TIAM1: variants seen among roughly 807,000 people sequenced by gnomAD.
The protein encoded by TIAM1 is TIAM Rac1 associated GEF 1.
Under a neutral mutation model 163.5 loss-of-function variants are expected in TIAM1, and 65 were observed. The ratio of observed to expected loss-of-function variants is 0.40; its 90% CI spans 0.33 to 0.49. The LOEUF (loss-of-function observed/expected upper bound fraction) is 0.49. Ranked by LOEUF, TIAM1 falls within the 20% of genes least tolerant of loss-of-function variation. The pLI, the probability that TIAM1 is intolerant of heterozygous loss-of-function variation, is 0.77. For missense variants in TIAM1, 1,789 were observed against 2,044.7 expected, an observed-to-expected ratio of 0.87 and a Z score of 2.41; for synonymous variants, 833 against 810.1, an observed-to-expected ratio of 1.03 and a Z score of -0.48.
intron 1 of TIAM1, among the ~76,000 whole-genome samples, chr21:31,523,962 C>G (rs1602487171): frequency 1.4e-5 from 2 of 147,778 alleles, no homozygotes; most frequent in South Asian, 2.2e-4. Context: ...GCTCTGCAGG[C>G]ATGATAATTC....
chr21:31,335,989 T>C (rs2075826384), intron 2 of TIAM1, among the ~76,000 whole-genome samples: 1 of 152,084 alleles, frequency 6.6e-6, no homozygotes, highest in Non-Finnish European at 1.5e-5. Flanking sequence ...TGTATTCTGT[T>C]AGAGATCACA....
At chr21:31,248,057 T>C (rs1307049516) in intron 5 of TIAM1, among the ~76,000 whole-genome samples, 1 of 152,136 alleles carries the variant, frequency 6.6e-6, no homozygotes. Flanking sequence ...CTGTTAAGCA[T>C]CCACAATGCC....
chr21:31,263,116 G>A (rs1199746466), intron 4 of TIAM1, among the ~76,000 whole-genome samples: 1 of 152,008 alleles, frequency 6.6e-6, no homozygotes, highest in Non-Finnish European at 1.5e-5. Context: ...ATAATTCCGG[G>A]GTTTGTTTCA....
intron 1 of TIAM1, among the ~76,000 whole-genome samples, chr21:31,556,980 C>T (rs1189198446): frequency 1.3e-5 from 2 of 152,194 alleles, no homozygotes; most frequent in African/African-American, 4.8e-5. Context: ...TCCTAACCTC[C>T]AGACATCTCT....
chr21:31,205,851 T>C (rs370418631), intron 11 of TIAM1, among the ~76,000 whole-genome samples: 109 of 152,084 alleles, frequency 7.2e-4, no homozygotes, highest in African/African-American at 2.4e-3. Flanking sequence ...GTAGTCCCTG[T>C]AGGCTACTCA....
intron 2 of TIAM1, among the ~76,000 whole-genome samples, chr21:31,419,281 G>A (rs991289389): frequency 6.6e-6 from 1 of 152,178 alleles, no homozygotes; most frequent in African/African-American, 2.4e-5. Flanking sequence ...GTTAAGTAAA[G>A]TAAAATAATG....
chr21:31,258,254 T>G (rs2072238342), intron 4 of TIAM1, among the ~76,000 whole-genome samples: 1 of 152,188 alleles, frequency 6.6e-6, no homozygotes. Flanking sequence ...GGAAGGCACT[T>G]CAAAAATAAT....
intron 6 of TIAM1, among the ~76,000 whole-genome samples, chr21:31,230,874 G>A (rs2088378083): frequency 1.3e-5 from 2 of 152,112 alleles, no homozygotes; most frequent in African/African-American, 4.8e-5. Flanking sequence ...CACCGTGTTG[G>A]CCAGGGTGGT....
At chr21:31,263,161 A>G (rs1323168179) in intron 4 of TIAM1, among the ~76,000 whole-genome samples, 2 of 151,994 alleles carry the variant, frequency 1.3e-5, no homozygotes, top group Non-Finnish European at 2.9e-5. Context: ...ATATAAAGTC[A>G]ATACAAAAAT....
At chr21:31,239,717 A>G (rs2071068607) in intron 6 of TIAM1, among the ~76,000 whole-genome samples, 1 of 152,198 alleles carries the variant, frequency 6.6e-6, no homozygotes, top group Non-Finnish European at 1.5e-5. Context: ...AAAAAAATGG[A>G]CAAGAGAGTA....
At chr21:31,179,009 C>A (rs2084893366) in intron 15 of TIAM1, among the ~76,000 whole-genome samples, 1 of 151,776 alleles carries the variant, frequency 6.6e-6, no homozygotes, top group African/African-American at 2.4e-5. Flanking sequence ...CCCTGGCCTC[C>A]CAAAGTGCTG....
intron 15 of TIAM1, 93 bp downstream of exon 15, chr21:31,182,328 G>T (rs2085069542): frequency 9.6e-7 from 1 of 1,045,726 alleles, no homozygotes; most frequent in East Asian, 2.8e-5. Flanking sequence ...CCAGACAGAG[G>T]CACTCACTGA....
In TIAM1 at chr21:31,217,638, G is replaced by A. The variant is rs539113277; in HGVS notation, c.2057C>T (p.Ala686Val). Reference sequence around the variant, plus strand: ...AGAAAACCTGCTCCTTCGCTTGCTCGCGGATCTGGACATGGCCTGAGTACG... The same window carrying A: ...AGAAAACCTGCTCCTTCGCTTGCTCACGGATCTGGACATGGCCTGAGTACG... ...RRRTQAMSRS[A>V]SKRRSRFSSL... The change falls in exon 9 of 28, where the codon GCG becomes GTG. Residue 686 changes from alanine to valine, a missense_variant. By Grantham distance (64) the Ala-to-Val change is moderately conservative (BLOSUM62 0). Around this residue, in one of 5 missense-constraint regions of TIAM1, gnomAD observed 456 missense variants for 586.6 expected, o/e 0.78. Coordinates refer to ENST00000541036, the MANE Select transcript of TIAM1 (RefSeq NM_001353694.2). The A allele has an allele frequency of 7.4e-6, 12 of 1,614,000 alleles. No individual in the cohort carries two copies. The highest frequency in any genetic ancestry group is 1.6e-4 in the Middle Eastern group (1 of 6,062).
chr21:31,329,260 C>G (rs2075597466), intron 2 of TIAM1, among the ~76,000 whole-genome samples: 1 of 152,202 alleles, frequency 6.6e-6, no homozygotes, highest in African/African-American at 2.4e-5. Flanking sequence ...CTATTGTCTC[C>G]TTACTACCTG....
intron 12 of TIAM1, among the ~76,000 whole-genome samples, chr21:31,199,486 T>TC (rs2086076000): frequency 6.9e-6 from 1 of 145,710 alleles, no homozygotes; most frequent in African/African-American, 2.6e-5. Flanking sequence ...ATGGCCACCC[T>TC]CCCCCTGCCC....
chr21:31,421,960 A>C (rs957544922), intron 2 of TIAM1, among the ~76,000 whole-genome samples: 15 of 152,138 alleles, frequency 9.9e-5, no homozygotes, highest in Admixed American at 9.8e-4. Context: ...ACTGCACTCC[A>C]GTCGAGTTGC....
At chr21:31,360,320 G>T (rs1414678356) in intron 2 of TIAM1, among the ~76,000 whole-genome samples, 2 of 151,524 alleles carry the variant, frequency 1.3e-5, no homozygotes, top group Non-Finnish European at 2.9e-5. Flanking sequence ...GTTTAGAATA[G>T]TATGAAAGAA....
rs903291138 is a variant in TIAM1, at chr21:31,460,937, C to T, written c.-369+3046G>A. The stretch of plus-strand genomic sequence containing the variant: ...TTTTTTTACATAAAGAATTCAATAG[C>T]CATCCATTATAATGTAGCACACAAT... On this transcript the variant is annotated intron_variant, in intron 2 of 28. Transcript: ENST00000286827. Among the ~76,000 whole-genome samples, 6 of 152,136 alleles carry T rather than the reference C, an allele frequency of 3.9e-5. No homozygotes were observed. The East Asian group carries it at 1.2e-3, about 29-fold the overall frequency.
chr21:31,309,429 T>C (rs879361191), intron 2 of TIAM1, among the ~76,000 whole-genome samples: 1 of 152,116 alleles, frequency 6.6e-6, no homozygotes, highest in Non-Finnish European at 1.5e-5. Flanking sequence ...CTGCATTCCA[T>C]CCTGGGCGAC....
Sources: allele counts gnomAD v4.1 joint callset (sites outside exome capture counted in the v4.1 genomes callset), GRCh38; gene constraint gnomAD v4.1.1; regional missense constraint gnomAD v4.1.1; transcripts MANE v1.5; gene names NCBI Gene and HGNC (gene_info 2026-07-23, HGNC 2026-07-21).